The following RABGAP1L variants were observed in gnomAD, a reference collection of about 807,000 sequenced individuals.
RABGAP1L encodes RAB GTPase activating protein 1 like.
RABGAP1L carries 63 observed loss-of-function variants against 137.7 expected under a neutral mutation model. The observed-to-expected ratio is 0.46, with a 90% CI of 0.37 to 0.56. The LOEUF is 0.56. Among genes scored for constraint, RABGAP1L ranks in the 20% least tolerant of loss-of-function variants. The pLI, the probability that RABGAP1L is intolerant of heterozygous loss-of-function variation, is 0.00. For missense variants in RABGAP1L, 1,095 were observed against 1,244.0 expected, an observed-to-expected ratio of 0.88 and a Z score of 1.80; for synonymous variants, 431 against 433.7, an observed-to-expected ratio of 0.99 and a Z score of 0.08.
intron 19 of RABGAP1L, among the ~76,000 whole-genome samples, chr1:174,901,863 G>T (rs1658189088): frequency 6.6e-6 from 1 of 151,990 alleles, no homozygotes; most frequent in Admixed American, 6.6e-5. Context: ...GTTTTTGTGG[G>T]GTCTTTTTTG....
At chr1:174,167,633 C>A (rs908043867) in intron 1 of RABGAP1L, among the ~76,000 whole-genome samples, 1 of 152,174 alleles carries the variant, frequency 6.6e-6, no homozygotes, top group African/African-American at 2.4e-5. Context: ...AGGAATTTCT[C>A]AACTTCTCCT....
chr1:174,445,208 C>T (rs1206774538), intron 13 of RABGAP1L, among the ~76,000 whole-genome samples: 1 of 152,162 alleles, frequency 6.6e-6, no homozygotes, highest in South Asian at 2.1e-4. Context: ...TTCTAAGTCA[C>T]TTTTAAGAAA....
rs557856686 is a variant in RABGAP1L, at chr1:174,651,085, G to A, written c.1824+13597G>A. ...ACATCTTTATTTCTGCCTTCATTTC[G>A]TTATGTACCCAGCAGTCATTCAGGA... On this transcript the variant is annotated intron_variant, in intron 14 of 25. Coordinates refer to ENST00000681986, the MANE Select transcript of RABGAP1L (RefSeq NM_001366446.1). Among the ~76,000 whole-genome samples, 13 of 151,922 alleles carry A rather than the reference G, an allele frequency of 8.6e-5. No homozygotes were observed. The South Asian group carries it at 1.9e-3, about 22-fold the overall frequency.
rs1019749537 is a variant in RABGAP1L at position 174,284,752 on chromosome 1, T to C, written c.1323+5973T>C. 1.1e-3 allele frequency among the ~76,000 whole-genome samples: 162 copies of C among 145,918 alleles called. No homozygotes were observed. The Middle Eastern group carries it at 0.017, about 16-fold the overall frequency. On this transcript the variant is annotated intron_variant, in intron 10 of 25. Transcript: ENST00000681986. ...TTCTTGTCTTTTTTTTTTTTTTTTT[T>C]TTTTTTTTGTGATGGGGTCTCATTA...
chr1:174,661,351 G>A (rs1263598174), intron 14 of RABGAP1L, among the ~76,000 whole-genome samples: 1 of 152,086 alleles, frequency 6.6e-6, no homozygotes, highest in Non-Finnish European at 1.5e-5. Context: ...TGGACTACTT[G>A]TACTGAATAC....
chr1:174,726,699 G>A (rs763919349), intron 17 of RABGAP1L, among the ~76,000 whole-genome samples: 1 of 152,006 alleles, frequency 6.6e-6, no homozygotes, highest in African/African-American at 2.4e-5. Flanking sequence ...CTTCTCTTAT[G>A]TATGGTGCCA....
At chr1:174,982,264 CTAA>C (rs1168359736) in intron 23 of RABGAP1L, among the ~76,000 whole-genome samples, 1 of 152,122 alleles carries the variant, frequency 6.6e-6, no homozygotes, top group Non-Finnish European at 1.5e-5. Context: ...GGTATTTCTC[CTAA>C]TGTTATGCCT....
intron 13 of RABGAP1L, among the ~76,000 whole-genome samples, chr1:174,500,083 T>C (rs912759916): frequency 4.1e-5 from 6 of 147,382 alleles, no homozygotes; most frequent in South Asian, 4.2e-4. Flanking sequence ...GCTTCTTCTT[T>C]TTTTTTTTTT....
intron 13 of RABGAP1L, among the ~76,000 whole-genome samples, chr1:174,531,608 C>A (rs1334845412): frequency 6.6e-6 from 1 of 152,016 alleles, no homozygotes; most frequent in African/African-American, 2.4e-5. Flanking sequence ...CTGGTTGCAT[C>A]TTTAGTTCAA....
At chr1:174,205,286 T>A (rs746055243) in intron 1 of RABGAP1L, among the ~76,000 whole-genome samples, 1 of 151,750 alleles carries the variant, frequency 6.6e-6, no homozygotes, top group Non-Finnish European at 1.5e-5. Flanking sequence ...TTTATCAGGA[T>A]GGTGCTGGCC....
chr1:174,721,264 A>T (rs1572923675), intron 17 of RABGAP1L, among the ~76,000 whole-genome samples: 1 of 152,374 alleles, frequency 6.6e-6, no homozygotes, highest in East Asian at 1.9e-4. Context: ...AGACGGCCAT[A>T]CATAGAAGCA....
chr1:174,604,271 C>T (rs1363289215), intron 13 of RABGAP1L, among the ~76,000 whole-genome samples: 1 of 152,206 alleles, frequency 6.6e-6, no homozygotes, highest in Non-Finnish European at 1.5e-5. Flanking sequence ...TAAATGCTCC[C>T]TCCATTGGCA....
intron 19 of RABGAP1L, chr1:174,877,438 A>G: frequency 1.2e-6 from 2 of 1,603,114 alleles, no homozygotes; most frequent in Non-Finnish European, 1.7e-6. Flanking sequence ...TTTTCCTTGG[A>G]TAGTCTGGTC....
At chr1:174,733,461 G>A (rs943339911) in intron 17 of RABGAP1L, among the ~76,000 whole-genome samples, 2 of 152,172 alleles carry the variant, frequency 1.3e-5, no homozygotes, top group Non-Finnish European at 2.9e-5. Flanking sequence ...TGACCAATTT[G>A]TATTTATTTC....
chr1:174,712,591 G>C (rs1300766288), intron 17 of RABGAP1L, among the ~76,000 whole-genome samples: 6 of 152,134 alleles, frequency 3.9e-5, no homozygotes, highest in Non-Finnish European at 5.9e-5. Context: ...AGAGTCTGCG[G>C]CTTCATTCTT....
intron 24 of RABGAP1L, among the ~76,000 whole-genome samples, chr1:174,987,535 C>T (rs896221060): frequency 2.6e-5 from 4 of 152,160 alleles, no homozygotes; most frequent in Admixed American, 2.0e-4. Context: ...GATCCAAAGT[C>T]GTCAGGCCCA....
intron 18 of RABGAP1L, among the ~76,000 whole-genome samples, chr1:174,801,559 T>A: frequency 6.6e-6 from 1 of 152,196 alleles, no homozygotes. Flanking sequence ...CTAAGGAAAG[T>A]CTATTTGTCA....
intron 19 of RABGAP1L, among the ~76,000 whole-genome samples, chr1:174,939,875 CT>C (rs1318262664): frequency 6.6e-6 from 1 of 152,194 alleles, no homozygotes; most frequent in Non-Finnish European, 1.5e-5. Flanking sequence ...TTATCTGTTT[CT>C]TTTATTCCAA....
chr1:174,903,149 C>T (rs965280300), intron 19 of RABGAP1L, among the ~76,000 whole-genome samples: 4 of 152,192 alleles, frequency 2.6e-5, no homozygotes, highest in Non-Finnish European at 2.9e-5. Flanking sequence ...TTCTTGTTTC[C>T]TGGAGAGTTT....
Sources: gnomAD v4.1 joint callset for allele counts (sites outside exome capture counted in the v4.1 genomes callset) on GRCh38, gnomAD v4.1.1 for gene constraint, MANE v1.5 for transcripts, NCBI Gene and HGNC (gene_info 2026-07-23, HGNC 2026-07-21) for gene names.